Variants in TCF12 observed in about 807,000 individuals in gnomAD.
TCF12 encodes the protein transcription factor 12.
A neutral mutation model predicts 86.0 loss-of-function variants in TCF12; 45 were observed. The observed-to-expected ratio is 0.52, with a 90% CI of 0.41 to 0.67. The LOEUF (loss-of-function observed/expected upper bound fraction) is 0.67, where lower values mean the gene tolerates loss of function less well. Ranked by LOEUF, TCF12 falls within the 30% of genes least tolerant of loss-of-function variation. The pLI, the probability that TCF12 is intolerant of heterozygous loss-of-function variation, is 0.00. For missense variants in TCF12, 881 were observed against 859.9 expected (o/e 1.02, Z -0.31); for synonymous variants, 330 against 299.6 (o/e 1.10, Z -1.05).
intron 5 of TCF12, among the ~76,000 whole-genome samples, chr15:57,092,720 A>T (rs1278997415): frequency 6.6e-6 from 1 of 152,016 alleles, no homozygotes; most frequent in Non-Finnish European, 1.5e-5. Context: ...AAAAACTTTT[A>T]TCTGTTTTAC....
chr15:57,181,318 A>G (rs1179429091), intron 6 of TCF12, among the ~76,000 whole-genome samples: 1 of 151,882 alleles, frequency 6.6e-6, no homozygotes, highest in Admixed American at 6.6e-5. Context: ...TCAAACTCCG[A>G]GGCTTAAGCA....
At chr15:56,983,859 G>A (rs1034821996) in intron 3 of TCF12, among the ~76,000 whole-genome samples, 10 of 151,604 alleles carry the variant, frequency 6.6e-5, no homozygotes, top group Admixed American at 3.3e-4. Context: ...GAAATCAGCC[G>A]GGTAGGGTGG....
rs2062032425 is a variant in TCF12, at chr15:57,289,429, C to T, written c.*3284C>T. The T allele has an allele frequency of 6.6e-6, 1 of 152,140 alleles. No individual in the cohort carries two copies. The highest frequency in any genetic ancestry group is 2.4e-5 in the African/African-American group (1 of 41,426). The allele number at this position is 152,140 out of a possible 1,614,324, so 9.4% of individuals were successfully genotyped here. Reference sequence around the variant, plus strand: ...ACATAATTAGTAACAGATCAAGACACTTAAAACTTTCCCTACAAAACCTCC... The same window carrying T: ...ACATAATTAGTAACAGATCAAGACATTTAAAACTTTCCCTACAAAACCTCC... On this transcript the variant is annotated 3_prime_UTR_variant, in exon 21 of 21. Coordinates refer to ENST00000333725, the MANE Select transcript of TCF12 (RefSeq NM_207037.2).
intron 5 of TCF12, among the ~76,000 whole-genome samples, chr15:57,111,742 G>A (rs1487707483): frequency 2.0e-5 from 3 of 151,956 alleles, no homozygotes; most frequent in African/African-American, 7.2e-5. Flanking sequence ...ACAGGCACGA[G>A]CCACCATGCC....
At chr15:56,932,895 A>G (rs2060309273) in intron 3 of TCF12, among the ~76,000 whole-genome samples, 1 of 152,182 alleles carries the variant, frequency 6.6e-6, no homozygotes, top group African/African-American at 2.4e-5. Flanking sequence ...AAGCCTCCAT[A>G]AAATAGTTAA....
chr15:57,265,485 C>G (rs562949902), intron 18 of TCF12, among the ~76,000 whole-genome samples: 9 of 152,160 alleles, frequency 5.9e-5, no homozygotes, highest in Non-Finnish European at 1.0e-4. Flanking sequence ...CTGCAGCCTC[C>G]CCCGACCCTG....
intron 5 of TCF12, among the ~76,000 whole-genome samples, chr15:57,135,902 C>G (rs1340696633): frequency 7.3e-5 from 11 of 150,390 alleles, no homozygotes; most frequent in African/African-American, 2.4e-4. Flanking sequence ...TCTATTCTAG[C>G]TGTGTTAGAG....
At chr15:57,282,734 T>A in intron 20 of TCF12, 136 bp downstream of exon 20, 1 of 1,121,106 alleles carries the variant, frequency 8.9e-7, no homozygotes, top group Non-Finnish European at 1.2e-6. Flanking sequence ...AATATAACAG[T>A]TTGTCTTTCT....
intron 5 of TCF12, among the ~76,000 whole-genome samples, chr15:57,164,540 C>T (rs148908611): frequency 3.7e-4 from 56 of 152,116 alleles, no homozygotes; most frequent in African/African-American, 9.2e-4. Context: ...TGGGGGTAAC[C>T]GCCTCCATGA....
At chr15:57,184,394 A>G (rs1354274143) in intron 6 of TCF12, among the ~76,000 whole-genome samples, 1 of 152,160 alleles carries the variant, frequency 6.6e-6, no homozygotes, top group Non-Finnish European at 1.5e-5. Context: ...TTCCCATAAG[A>G]ATTTGTATGC....
intron 9 of TCF12, among the ~76,000 whole-genome samples, chr15:57,231,483 T>G (rs1211809596): frequency 1.3e-5 from 2 of 152,158 alleles, no homozygotes; most frequent in East Asian, 3.8e-4. Flanking sequence ...ATTGATTGAA[T>G]TTATAAAGGT....
chr15:57,260,827 C>G (rs1320756356), intron 16 of TCF12, among the ~76,000 whole-genome samples: 1 of 152,158 alleles, frequency 6.6e-6, no homozygotes, highest in African/African-American at 2.4e-5. Context: ...ATAAACAAGA[C>G]CAGGATACCC....
At chr15:56,919,848 T>A in intron 1 of TCF12, 44 bp from the exon 2 acceptor site, 1 of 1,562,766 alleles carries the variant, frequency 6.4e-7, no homozygotes, top group Non-Finnish European at 8.8e-7. Flanking sequence ...TCACACACTT[T>A]GGGCCTCGGT....
chr15:56,987,190 C>T (rs1356056234), intron 3 of TCF12, among the ~76,000 whole-genome samples: 1 of 152,040 alleles, frequency 6.6e-6, no homozygotes. Flanking sequence ...GGGCTCACTG[C>T]AACCTCCACC....
At chr15:57,047,540 G>A (rs1415182728) in intron 3 of TCF12, among the ~76,000 whole-genome samples, 1 of 152,134 alleles carries the variant, frequency 6.6e-6, no homozygotes, top group African/African-American at 2.4e-5. Flanking sequence ...GTTGACTTAT[G>A]GAGATCTCTG....
intron 3 of TCF12, among the ~76,000 whole-genome samples, chr15:56,966,000 C>T (rs2061984156): frequency 6.6e-6 from 1 of 152,000 alleles, no homozygotes; most frequent in African/African-American, 2.4e-5. Flanking sequence ...TATAGTTTTA[C>T]AGGGATACAG....
intron 18 of TCF12, 100 bp from the exon 19 acceptor site, chr15:57,272,930 G>A (rs2061210325): frequency 3.7e-6 from 4 of 1,085,964 alleles, no homozygotes; most frequent in Non-Finnish European, 5.3e-6. Context: ...AGATTTATAG[G>A]TGGTTTTCAT....
At chr15:57,013,562 C>T (rs986041115) in intron 3 of TCF12, among the ~76,000 whole-genome samples, 1 of 152,196 alleles carries the variant, frequency 6.6e-6, no homozygotes, top group African/African-American at 2.4e-5. Flanking sequence ...CTCAAGTGAT[C>T]TGCCTGCGTC....
At chr15:57,102,087 CAT>C (rs1407644650) in intron 5 of TCF12, among the ~76,000 whole-genome samples, 1 of 152,000 alleles carries the variant, frequency 6.6e-6, no homozygotes, top group Non-Finnish European at 1.5e-5. Context: ...AGGCCATAAA[CAT>C]ATAATTCATG....
Sources: gnomAD v4.1 joint callset for allele counts (sites outside exome capture counted in the v4.1 genomes callset) on GRCh38, gnomAD v4.1.1 for gene constraint, MANE v1.5 for transcripts, NCBI Gene and HGNC (gene_info 2026-07-23, HGNC 2026-07-21) for gene names.